Variants in ULK4 observed in about 807,000 individuals in gnomAD.
The protein encoded by ULK4 is inactive serine/threonine-protein kinase ULK4.
Under a neutral mutation model 160.6 loss-of-function variants are expected in ULK4, and 133 were observed. The ratio of observed to expected loss-of-function variants is 0.83; its 90% confidence interval spans 0.72 to 0.96. ULK4 has a LOEUF of 0.96. Among genes scored for constraint, ULK4 ranks in the 40% least tolerant of loss-of-function variants. The pLI is 0.00. For synonymous variants in ULK4, 534 were observed against 539.8 expected (o/e 0.99, Z 0.15); for missense variants, 1,580 against 1,499.5 (o/e 1.05, Z -0.89).
At chr3:41,260,851 G>A (rs1467391308) in intron 35 of ULK4, among the ~76,000 whole-genome samples, 2 of 152,238 alleles carry the variant, frequency 1.3e-5, no homozygotes, top group Non-Finnish European at 2.9e-5. Context: ...TGTCCAGGAG[G>A]ACCACTATGT....
At chr3:41,401,080 T>C (rs899532386) in intron 34 of ULK4, among the ~76,000 whole-genome samples, 1 of 152,100 alleles carries the variant, frequency 6.6e-6, no homozygotes, top group South Asian at 2.1e-4. Context: ...TCCCAGTCTG[T>C]AGCTTGCCTT....
At chr3:41,720,352 G>A (rs1041881303) in intron 22 of ULK4, among the ~76,000 whole-genome samples, 4 of 151,886 alleles carry the variant, frequency 2.6e-5, no homozygotes. Context: ...TTATTCCCAA[G>A]GCCCATTTCT....
intron 35 of ULK4, among the ~76,000 whole-genome samples, chr3:41,394,498 C>T (rs993982394): frequency 6.6e-6 from 1 of 152,010 alleles, no homozygotes; most frequent in Non-Finnish European, 1.5e-5. Flanking sequence ...CTTACATTAG[C>T]CTACAATTGA....
At chr3:41,938,702 T>G (rs1699859723) in intron 2 of ULK4, among the ~76,000 whole-genome samples, 1 of 152,036 alleles carries the variant, frequency 6.6e-6, no homozygotes, top group Admixed American at 6.6e-5. Flanking sequence ...AATAAATAAA[T>G]TTTTTTAAAC....
intron 5 of ULK4, among the ~76,000 whole-genome samples, chr3:41,929,240 C>A (rs1001473380): frequency 3.8e-4 from 58 of 152,138 alleles, no homozygotes; most frequent in African/African-American, 1.3e-3. Flanking sequence ...TGACAAAAAA[C>A]CACATGATTA....
chr3:41,706,350 T>TATATATATATATTTATATATATATTTA (rs2036876793), intron 25 of ULK4, among the ~76,000 whole-genome samples: 1 of 144,714 alleles, frequency 6.9e-6, no homozygotes, highest in African/African-American at 2.6e-5. Context: ...AACAAAATAA[T>TATATATATATATTTATATATATATTTA]ATATATATAT....
chr3:41,739,626 G>A (rs6787883), intron 22 of ULK4, among the ~76,000 whole-genome samples: 13,031 of 151,838 alleles, frequency 0.086, 2,000 homozygotes, highest in African/African-American at 0.29. Flanking sequence ...AAAGTACATG[G>A]GTAGGCTTCT....
chr3:41,565,598 C>T (rs1339225679), intron 32 of ULK4, among the ~76,000 whole-genome samples: 3 of 152,216 alleles, frequency 2.0e-5, no homozygotes, highest in Non-Finnish European at 4.4e-5. Flanking sequence ...TGCCTTTGGA[C>T]TCTGCAAAGA....
intron 29 of ULK4, among the ~76,000 whole-genome samples, chr3:41,671,404 T>C (rs1489823815): frequency 6.6e-6 from 1 of 151,960 alleles, no homozygotes; most frequent in East Asian, 1.9e-4. Context: ...CACAGATCAA[T>C]GGAACAGAAT....
intron 20 of ULK4, among the ~76,000 whole-genome samples, chr3:41,796,490 G>A (rs904872484): frequency 1.3e-5 from 2 of 152,102 alleles, no homozygotes; most frequent in African/African-American, 4.8e-5. Context: ...TATTCGGGAA[G>A]CTGAGTCAGG....
chr3:41,819,320 T>C (rs1029373673), intron 19 of ULK4, 103 bp downstream of exon 19: 3 of 1,043,566 alleles, frequency 2.9e-6, no homozygotes, highest in Non-Finnish European at 2.7e-6. Context: ...GAGCAATACT[T>C]GGTTGACAAG....
intron 32 of ULK4, among the ~76,000 whole-genome samples, chr3:41,564,048 G>A (rs1183124429): frequency 6.6e-6 from 1 of 152,148 alleles, no homozygotes; most frequent in East Asian, 1.9e-4. Flanking sequence ...GGGTTTTGGT[G>A]TAGATGTCCT....
intron 33 of ULK4, among the ~76,000 whole-genome samples, chr3:41,462,788 C>A (rs71331168): frequency 0.086 from 13,099 of 152,168 alleles, 726 homozygotes; most frequent in Non-Finnish European, 0.12. Context: ...AACTACTTGG[C>A]CAACCTAGGA....
At chr3:41,400,348 A>G (rs544533578) in intron 34 of ULK4, among the ~76,000 whole-genome samples, 1 of 152,160 alleles carries the variant, frequency 6.6e-6, no homozygotes, top group Admixed American at 6.5e-5. Flanking sequence ...TTATAGTAAG[A>G]GCCAACACCC....
chr3:41,791,418 C>T (rs2125593687), intron 20 of ULK4, among the ~76,000 whole-genome samples: 1 of 152,340 alleles, frequency 6.6e-6, no homozygotes, highest in East Asian at 1.9e-4. Context: ...GTATGTGCCA[C>T]TGCACCCAGC....
At chr3:41,678,959 C>T (rs2035827563) in intron 29 of ULK4, among the ~76,000 whole-genome samples, 1 of 152,102 alleles carries the variant, frequency 6.6e-6, no homozygotes, top group South Asian at 2.1e-4. Flanking sequence ...CTTAAAACTA[C>T]CAAGAGTTAT....
intron 32 of ULK4, among the ~76,000 whole-genome samples, chr3:41,480,000 G>T (rs1452918225): frequency 6.6e-6 from 1 of 152,116 alleles, no homozygotes; most frequent in Non-Finnish European, 1.5e-5. Flanking sequence ...GAGGTCAGGA[G>T]ATCAAGACCA....
intron 17 of ULK4, among the ~76,000 whole-genome samples, chr3:41,846,885 G>A (rs983948257): frequency 1.3e-5 from 2 of 151,970 alleles, no homozygotes; most frequent in South Asian, 4.2e-4. Flanking sequence ...ATTATTGTGT[G>A]CATTTTTTGA....
intron 30 of ULK4, among the ~76,000 whole-genome samples, chr3:41,631,878 T>C (rs149405977): frequency 4.9e-4 from 75 of 152,250 alleles, no homozygotes; most frequent in African/African-American, 1.5e-3. Context: ...TTTACAGAAA[T>C]TGTCCCTACA....
Sources: allele counts gnomAD v4.1 joint callset (sites outside exome capture counted in the v4.1 genomes callset), GRCh38; gene constraint gnomAD v4.1.1; transcripts MANE v1.5; gene names NCBI Gene and HGNC (gene_info 2026-07-23, HGNC 2026-07-21).